Variants in MYO3A observed in about 807,000 individuals in gnomAD.
MYO3A encodes myosin-IIIa.
MYO3A carries 180 observed loss-of-function variants against 192.7 expected under a neutral mutation model. That is an observed-to-expected ratio of 0.93 (90% confidence interval 0.83 to 1.06). The LOEUF (loss-of-function observed/expected upper bound fraction) is 1.06. MYO3A is among the 50% of genes least tolerant of loss of function. MYO3A has a pLI of 0.00. For missense variants in MYO3A, 1,896 were observed against 1,905.0 expected (o/e 1.00, Z 0.09); for synonymous variants, 628 against 645.3 (o/e 0.97, Z 0.41).
chr10:26,098,803 T>C (rs1837236278), intron 17 of MYO3A, among the ~76,000 whole-genome samples: 1 of 152,232 alleles, frequency 6.6e-6, no homozygotes, highest in Admixed American at 6.5e-5. Flanking sequence ...CATACTGTTT[T>C]GGTTACTGTA....
At chr10:26,177,147 GGCA>G (rs781119799) in intron 31 of MYO3A, among the ~76,000 whole-genome samples, 30 of 151,942 alleles carry the variant, frequency 2.0e-4, no homozygotes, top group Non-Finnish European at 2.1e-4. Flanking sequence ...GCTGGCAGGA[GGCA>G]GATTTGATAA....
Position 26,211,910 on chromosome 10 carries a change from A to C in MYO3A, c.4798A>C (p.Arg1600=). 1 of 1,614,020 alleles carries C rather than the reference A, an allele frequency of 6.2e-7. No homozygotes were observed. The highest frequency in any genetic ancestry group is 8.5e-7 in the Non-Finnish European group (1 of 1,179,992). ...REPAANPYDF[R]RLLRKTSQRR... is the part of the protein sequence containing the mutation. ...GCCAGCAGCCAACCCCTACGACTTC[A>C]GGAGGCTCCTGCGCAAAACCTCCCA... The change falls in exon 35 of 35, where the codon AGG becomes CGG. Residue 1600 remains arginine (R), a synonymous_variant. Coordinates refer to ENST00000642920, the MANE Select transcript of MYO3A (RefSeq NM_017433.5).
intron 18 of MYO3A, among the ~76,000 whole-genome samples, chr10:26,121,805 CT>C (rs1336270037): frequency 4.0e-5 from 6 of 151,420 alleles, no homozygotes; most frequent in Admixed American, 1.3e-4. Flanking sequence ...TATTTATATA[CT>C]TTTTCCTGAT....
At position 26,000,133 on chromosome 10, in the gene MYO3A, T is replaced by A. The variant is rs567569404; in HGVS notation, c.508+2875T>A. On this transcript the variant is annotated intron_variant, in intron 6 of 34. Coordinates refer to ENST00000642920, the MANE Select transcript of MYO3A (RefSeq NM_017433.5). ...CCATCCCTTGGGGAAGGCTTTTCCT[T>A]ATGATCCTCCGTGCTGGAACAGAGT... 2.6e-5 allele frequency among the ~76,000 whole-genome samples: 4 copies of A among 152,306 alleles called. No homozygotes were observed. In the East Asian group the frequency reaches 7.7e-4, roughly 29 times the overall value.
At chr10:26,057,913 C>T (rs1834210734) in intron 10 of MYO3A, among the ~76,000 whole-genome samples, 1 of 152,082 alleles carries the variant, frequency 6.6e-6, no homozygotes, top group Non-Finnish European at 1.5e-5. Context: ...CAGGTAGGCA[C>T]AGCCTTCTCC....
rs141207087 is a variant in MYO3A at position 26,054,262 on chromosome 10, G to A, written c.954-12713G>A. Among the ~76,000 whole-genome samples the A allele has an allele frequency of 7.9e-3, 1,208 of 152,316 alleles. 15 individuals carry two copies. The highest frequency in any genetic ancestry group is 0.027 in the African/African-American group (1,128 of 41,566). The stretch of plus-strand genomic sequence containing the variant: ...AAACAATGGTGGCTTAAAGATCAGT[G>A]TAGTAGCAATGGAAGTTTTGCTTTA... On this transcript the variant is annotated intron_variant, in intron 10 of 34. Transcript: ENST00000642920.
At chr10:25,983,262 T>TA (rs1431934169) in intron 4 of MYO3A, among the ~76,000 whole-genome samples, 1 of 111,060 alleles carries the variant, frequency 9.0e-6, no homozygotes, top group Non-Finnish European at 2.0e-5. Flanking sequence ...ATGATTTTTG[T>TA]TTTTTTTTTT....
At chr10:25,938,491 T>A (rs1286868036) in intron 2 of MYO3A, among the ~76,000 whole-genome samples, 1 of 152,160 alleles carries the variant, frequency 6.6e-6, no homozygotes, top group African/African-American at 2.4e-5. Flanking sequence ...TCCTGGCTAC[T>A]CTGTGGAGAG....
intron 10 of MYO3A, among the ~76,000 whole-genome samples, chr10:26,041,025 A>C (rs1843316712): frequency 1.3e-5 from 2 of 151,998 alleles, no homozygotes; most frequent in Admixed American, 6.6e-5. Flanking sequence ...ATTGGGGTTT[A>C]TCTCTCTATT....
chr10:26,044,716 A>G (rs945341424), intron 10 of MYO3A, among the ~76,000 whole-genome samples: 13 of 152,324 alleles, frequency 8.5e-5, no homozygotes, highest in African/African-American at 3.1e-4. Flanking sequence ...AACAAAAGCC[A>G]TCTCAAGCCT....
rs1841729812 is a variant in MYO3A, at chr10:26,166,075, T to G, written c.3008T>G (p.Leu1003Arg). The G allele has an allele frequency of 1.9e-6, 3 of 1,614,092 alleles. No homozygotes were observed. The highest frequency in any genetic ancestry group is 2.7e-5 in the African/African-American group (2 of 75,040). Reference protein sequence around the residue: ...LFANFIKRYYLLCYKSSEEPR... With the variant: ...LFANFIKRYYRLCYKSSEEPR... ...CTTTTTTCCATTCCAAGGTACTACC[T>G]TCTCTGCTACAAGTCGAGCGAGGAG... The change falls in exon 27 of 35, where the codon CTT becomes CGT. Residue 1003 changes from leucine (L) to arginine (R), a missense_variant. Physicochemically the swap from Leu to Arg is moderately radical, Grantham distance 102. Transcript: ENST00000642920.
At chr10:26,116,684 C>T (rs1429462663) in intron 17 of MYO3A, among the ~76,000 whole-genome samples, 1 of 152,104 alleles carries the variant, frequency 6.6e-6, no homozygotes, top group African/African-American at 2.4e-5. Flanking sequence ...CATTTTGAGA[C>T]TTTCTCCAAA....
At chr10:25,987,011 G>C (rs1333275436) in intron 4 of MYO3A, among the ~76,000 whole-genome samples, 2 of 152,078 alleles carry the variant, frequency 1.3e-5, no homozygotes, top group Non-Finnish European at 2.9e-5. Context: ...ACGAAAACAG[G>C]CACATAGACC....
intron 6 of MYO3A, among the ~76,000 whole-genome samples, chr10:26,003,069 A>G (rs533035923): frequency 6.6e-6 from 1 of 152,292 alleles, no homozygotes; most frequent in Admixed American, 6.5e-5. Flanking sequence ...TGACAATGAG[A>G]AAGTCACACA....
intron 10 of MYO3A, among the ~76,000 whole-genome samples, chr10:26,041,089 T>G (rs1462366822): frequency 6.6e-6 from 1 of 152,114 alleles, no homozygotes; most frequent in Non-Finnish European, 1.5e-5. Flanking sequence ...GGTGCATATA[T>G]ATTTACAATT....
At position 25,952,264 on chromosome 10, in the gene MYO3A, C is replaced by A. The variant is rs1191024582; in HGVS notation, c.154C>A (p.Leu52Ile). The change falls in exon 3 of 35, where the codon CTT becomes ATT. Residue 52 changes from leucine (L) to isoleucine (I), a missense_variant. Physicochemically the swap from Leu to Ile is conservative, Grantham distance 5. Transcript: ENST00000642920. ...TGGCCAAAAAGCAGCAGTCAAAATTCTTGATCCAATTCACGTAAGTCATAT... is the reference window on the plus strand; with the variant it reads ...TGGCCAAAAAGCAGCAGTCAAAATTATTGATCCAATTCACGTAAGTCATAT... ...KNGQKAAVKI[L>I]DPIHDIDEEI... The A allele has an allele frequency of 6.2e-7, 1 of 1,612,336 alleles. No homozygotes were observed. Among genetic ancestry groups the A allele is most frequent in the East Asian group, 2.2e-5 (1 of 44,706 alleles).
intron 4 of MYO3A, among the ~76,000 whole-genome samples, chr10:25,995,863 G>C (rs1400805573): frequency 3.9e-5 from 6 of 152,224 alleles, no homozygotes; most frequent in Admixed American, 3.3e-4. Flanking sequence ...TTCCTCTGGA[G>C]GTTTTGTCTC....
intron 23 of MYO3A, among the ~76,000 whole-genome samples, chr10:26,152,172 A>G (rs1201080256): frequency 6.6e-6 from 1 of 152,240 alleles, no homozygotes; most frequent in Non-Finnish European, 1.5e-5. Flanking sequence ...ATAGTCAAGT[A>G]TGTTTCAATA....
At chr10:26,021,672 A>G (rs772696095) in intron 8 of MYO3A, 24 bp downstream of exon 8, 10 of 1,613,572 alleles carry the variant, frequency 6.2e-6, no homozygotes, top group East Asian at 2.2e-5. Flanking sequence ...CATTGGGTCC[A>G]GTATCTGCAG....
Sources: gnomAD v4.1 joint callset for allele counts (sites outside exome capture counted in the v4.1 genomes callset) on GRCh38, gnomAD v4.1.1 for gene constraint, MANE v1.5 for transcripts, NCBI Gene and HGNC (gene_info 2026-07-23, HGNC 2026-07-21) for gene names.